ABLIM1: variants seen among roughly 807,000 people sequenced by gnomAD.
ABLIM1 encodes actin binding LIM protein 1.
ABLIM1 carries 40 observed loss-of-function variants against 107.0 expected under a neutral mutation model. That is an observed-to-expected ratio of 0.37 (90% CI 0.29 to 0.49). The LOEUF (loss-of-function observed/expected upper bound fraction) is 0.49, where lower values mean the gene tolerates loss of function less well. Ranked by LOEUF, ABLIM1 falls within the 20% of genes least tolerant of loss-of-function variation. The pLI, the probability that ABLIM1 is intolerant of heterozygous loss-of-function variation, is 0.97. For missense variants in ABLIM1, 857 were observed against 1,008.5 expected, an observed-to-expected ratio of 0.85 and a Z score of 2.04; for synonymous variants, 357 against 357.3, an observed-to-expected ratio of 1.00 and a Z score of 0.01.
chr10:114,464,125 C>G (rs1049500416), intron 12 of ABLIM1, among the ~76,000 whole-genome samples: 11 of 151,990 alleles, frequency 7.2e-5, no homozygotes, highest in African/African-American at 2.7e-4. Flanking sequence ...CCGGCAACTC[C>G]ATGGCTGGGG....
At chr10:114,784,540 G>A in the ABLIM1 span, among the ~76,000 whole-genome samples, 126 of 146,432 alleles carry the variant, frequency 8.6e-4, no homozygotes, top group African/African-American at 2.5e-3. Flanking sequence ...GGTGGCGGGC[G>A]CCTGTAATCC....
At chr10:114,657,794 T>C (rs1003723814) in intron 1 of ABLIM1, among the ~76,000 whole-genome samples, 163 bp downstream of exon 1, 16 of 152,238 alleles carry the variant, frequency 1.1e-4, no homozygotes, top group African/African-American at 3.9e-4. Flanking sequence ...GCTACACTTA[T>C]GTTACATTCT....
upstream of ABLIM1, among the ~76,000 whole-genome samples, chr10:114,773,033 C>A (rs2083042651): frequency 6.6e-6 from 1 of 151,654 alleles, no homozygotes; most frequent in South Asian, 2.1e-4. Flanking sequence ...AAATACAGCT[C>A]CAAAATATTG....
chr10:114,760,404 TCACACACACACACACACACACACACA>T (rs3981296), intron 1 of ABLIM1, among the ~76,000 whole-genome samples: 15 of 143,734 alleles, frequency 1.0e-4, no homozygotes, highest in Admixed American at 9.8e-4. Context: ...AATTTCTCCT[TCACACACACACACACACACACACACA>T]CACACACACA....
intron 1 of ABLIM1, among the ~76,000 whole-genome samples, chr10:114,695,301 G>A (rs1372254939): frequency 6.6e-6 from 1 of 151,942 alleles, no homozygotes; most frequent in African/African-American, 2.4e-5. Flanking sequence ...CATTTATAGA[G>A]CCCTTAAAAC....
At chr10:114,500,880 C>T (rs1285094036) in intron 6 of ABLIM1, among the ~76,000 whole-genome samples, 1 of 152,002 alleles carries the variant, frequency 6.6e-6, no homozygotes, top group Non-Finnish European at 1.5e-5. Context: ...AGCAGGTGAG[C>T]TTTCTTCCTC....
chr10:114,601,584 C>T, intron 2 of ABLIM1: 1 of 604,986 alleles, frequency 1.7e-6, no homozygotes, highest in Non-Finnish European at 3.0e-6. Context: ...CAGTGTTAGT[C>T]CCTTCTTCCA....
chr10:114,764,690 T>C (rs1038433288), intron 1 of ABLIM1: 2 of 152,220 alleles, frequency 1.3e-5, no homozygotes, highest in Non-Finnish European at 2.9e-5. Context: ...ACCAGGGACA[T>C]TTAATTTAAA....
chr10:114,510,431 A>G (rs1369445896), intron 6 of ABLIM1, among the ~76,000 whole-genome samples: 1 of 151,924 alleles, frequency 6.6e-6, no homozygotes, highest in Non-Finnish European at 1.5e-5. Context: ...AATGCAATGA[A>G]TTATAACTGC....
At chr10:114,716,088 G>A (rs111572154) in intron 1 of ABLIM1, among the ~76,000 whole-genome samples, 1 of 152,134 alleles carries the variant, frequency 6.6e-6, no homozygotes, top group Admixed American at 6.5e-5. Flanking sequence ...AAATGGTATT[G>A]TGAGAATAGG....
At chr10:114,700,389 C>T (rs2081283653) in intron 1 of ABLIM1, among the ~76,000 whole-genome samples, 1 of 151,736 alleles carries the variant, frequency 6.6e-6, no homozygotes, top group African/African-American at 2.4e-5. Context: ...TTCAATGTAA[C>T]CCTAATAATA....
At chr10:114,667,934 T>A (rs1327432468) in intron 1 of ABLIM1, among the ~76,000 whole-genome samples, 2 of 152,218 alleles carry the variant, frequency 1.3e-5, no homozygotes, top group African/African-American at 4.8e-5. Context: ...TAAACATCCA[T>A]TCCATGAGAT....
chr10:114,669,642 T>C (rs2080168698), intron 1 of ABLIM1, among the ~76,000 whole-genome samples: 1 of 152,256 alleles, frequency 6.6e-6, no homozygotes, highest in African/African-American at 2.4e-5. Flanking sequence ...GAGAACAAAG[T>C]GCTTTGCTTT....
chr10:114,714,032 A>G (rs2081608529), intron 1 of ABLIM1, among the ~76,000 whole-genome samples: 1 of 152,238 alleles, frequency 6.6e-6, no homozygotes, highest in Non-Finnish European at 1.5e-5. Flanking sequence ...AGAAATACCT[A>G]GAGAGAAACA....
intron 6 of ABLIM1, among the ~76,000 whole-genome samples, chr10:114,532,702 T>A (rs1212043795): frequency 6.6e-6 from 1 of 152,188 alleles, no homozygotes; most frequent in Non-Finnish European, 1.5e-5. Flanking sequence ...AAGTTAAACA[T>A]TCATGGAGAG....
Position 114,445,296 on chromosome 10 carries a change from T to C in ABLIM1, c.1827+16A>G, listed in dbSNP as rs755883754. 9.9e-6 allele frequency: 16 copies of C among 1,608,550 alleles called. No homozygotes were observed. The African/African-American group carries it at 2.0e-4, about 20-fold the overall frequency. On this transcript the variant is annotated intron_variant, in intron 16 of 22. Coordinates refer to ENST00000533213, the MANE Select transcript of ABLIM1 (RefSeq NM_002313.7). The stretch of plus-strand genomic sequence containing the variant: ...ACTAGCATTGAAGACAGCAGCAAGG[T>C]AGTTTAAGGACAAACCTTCATTAAT...
upstream of ABLIM1, among the ~76,000 whole-genome samples, chr10:114,769,463 GAAA>G (rs2082992418): frequency 3.9e-5 from 3 of 76,130 alleles, no homozygotes; most frequent in African/African-American, 8.9e-5. Flanking sequence ...AAGAAAGAAA[GAAA>G]GAAAGAAAGA....
chr10:114,652,360 T>C (rs2079289252), intron 1 of ABLIM1, among the ~76,000 whole-genome samples: 1 of 152,212 alleles, frequency 6.6e-6, no homozygotes, highest in Non-Finnish European at 1.5e-5. Flanking sequence ...TATTATAGTG[T>C]TATATGTTCT....
chr10:114,793,400 A>T, the ABLIM1 span, among the ~76,000 whole-genome samples: 1 of 151,934 alleles, frequency 6.6e-6, no homozygotes, highest in Admixed American at 6.5e-5. Flanking sequence ...CATGACTGTA[A>T]GTTTCCTGAG....
Sources: allele counts gnomAD v4.1 joint callset (sites outside exome capture counted in the v4.1 genomes callset), GRCh38; gene constraint gnomAD v4.1.1; transcripts MANE v1.5; gene names NCBI Gene and HGNC (gene_info 2026-07-23, HGNC 2026-07-21).